KLHDC4: variants seen among roughly 807,000 people sequenced by gnomAD.
KLHDC4 encodes the protein kelch domain-containing protein 4.
Under a neutral mutation model 62.4 loss-of-function variants are expected in KLHDC4, and 90 were observed. That is an observed-to-expected ratio of 1.44 (90% CI 1.22 to 1.72). KLHDC4 has a LOEUF of 1.72. KLHDC4 is among the 40% of genes most tolerant of loss of function. The pLI, the probability that KLHDC4 is intolerant of heterozygous loss-of-function variation, is 0.00. For missense variants in KLHDC4, 1,025 were observed against 699.7 expected (o/e 1.47, Z -5.25); for synonymous variants, 386 against 284.4 (o/e 1.36, Z -3.59).
intron 6 of KLHDC4, 48 bp from the exon 7 acceptor site, chr16:87,726,972 C>T: frequency 6.3e-7 from 1 of 1,589,952 alleles, no homozygotes. Flanking sequence ...TTGGGAAAAG[C>T]CCTGACATTA....
chr16:87,764,188 G>T (rs1195292968), intron 1 of KLHDC4, among the ~76,000 whole-genome samples: 2 of 152,234 alleles, frequency 1.3e-5, no homozygotes, highest in Non-Finnish European at 2.9e-5. Flanking sequence ...ATGATCCTCT[G>T]TGGGTCTAGC....
At position 87,765,954 on chromosome 16, in the gene KLHDC4, A is replaced by C. The variant is rs1304121192; in HGVS notation, c.-64T>G. On this transcript the variant is annotated 5_prime_UTR_variant, in exon 1 of 12. Coordinates refer to ENST00000270583, the MANE Select transcript of KLHDC4 (RefSeq NM_017566.4). ...AAAACGGCCCGCGCTCTCCGCTCGGAAACAGGTGCTCGTGGGGCGGAGCTC... is the reference window on the plus strand; with the variant it reads ...AAAACGGCCCGCGCTCTCCGCTCGGCAACAGGTGCTCGTGGGGCGGAGCTC... 3 of 1,475,898 alleles carry C rather than the reference A, an allele frequency of 2.0e-6. No homozygotes were observed. The East Asian group carries it at 7.4e-5, about 36-fold the overall frequency. 91.4% of individuals were successfully genotyped at this position (1,475,898 alleles called of 1,614,324 possible).
Position 87,701,763 on chromosome 16 carries a change from G to A in KLHDC4, c.752C>T (p.Thr251Met), listed in dbSNP as rs187769887. 2.2e-3 allele frequency: 982 copies of A among 456,734 alleles called. 3 individuals are homozygous for A. The highest frequency in any genetic ancestry group is 3.5e-3 in the Non-Finnish European group (797 of 226,976). The allele number at this position is 456,734 out of a possible 1,614,324, so 28.3% of individuals were successfully genotyped here. A position where few individuals can be genotyped will look rare whatever the true frequency, so the allele number is the denominator to read the frequency against. Residue 251 changes from threonine to methionine, a missense_variant, in exon 1 of 1, where the codon ACG becomes ATG. Physicochemically the swap from Thr to Met is moderately conservative, Grantham distance 81 (BLOSUM62 -1). Transcript: ENST00000446344. ...ATGCCGCCCGCCCGTCCTCCCAAGC[G>A]TGCACACCCGTCCGCCATCCTTCTC... is the stretch of plus-strand genomic sequence containing the variant.
chr16:87,760,381 G>C (rs1462367645), intron 2 of KLHDC4, among the ~76,000 whole-genome samples: 1 of 151,630 alleles, frequency 6.6e-6, no homozygotes. Flanking sequence ...GCTGAGGCGG[G>C]CGGATCACGA....
intron 6 of KLHDC4, chr16:87,729,363 T>G (rs1365704668): frequency 6.6e-6 from 1 of 152,176 alleles, no homozygotes; most frequent in Admixed American, 6.5e-5. Context: ...CCATGCTGGT[T>G]CCTGAGGGAC....
At chr16:87,755,784 C>CA (rs1369785894) in intron 3 of KLHDC4, 2 of 166,032 alleles carry the variant, frequency 1.2e-5, no homozygotes, top group Non-Finnish European at 2.6e-5. Flanking sequence ...AGACTGCTCT[C>CA]AAACTCCTGA....
intron 4 of KLHDC4, among the ~76,000 whole-genome samples, chr16:87,754,195 T>C (rs1432999390): frequency 6.6e-6 from 1 of 150,868 alleles, no homozygotes; most frequent in Non-Finnish European, 1.5e-5. Context: ...CCTAATACAA[T>C]CCCAGTCAGG....
chr16:87,717,195 C>A (rs1210488195), intron 7 of KLHDC4, among the ~76,000 whole-genome samples: 2 of 152,320 alleles, frequency 1.3e-5, no homozygotes, highest in Middle Eastern at 3.4e-3. Context: ...CATGCCACTG[C>A]ACTCCAGCCT....
chr16:87,757,797 C>T (rs2045220614), intron 2 of KLHDC4, among the ~76,000 whole-genome samples: 1 of 152,076 alleles, frequency 6.6e-6, no homozygotes, highest in Admixed American at 6.6e-5. Context: ...GAGGCTGAGG[C>T]AGGAGGATCA....
At chr16:87,722,115 A>G (rs1181508137) in intron 7 of KLHDC4, among the ~76,000 whole-genome samples, 1 of 152,258 alleles carries the variant, frequency 6.6e-6, no homozygotes, top group East Asian at 1.9e-4. Flanking sequence ...TGAGTCTTTG[A>G]CACGTGAATG....
intron 4 of KLHDC4, among the ~76,000 whole-genome samples, chr16:87,754,883 T>C (rs568883034): frequency 3.3e-5 from 5 of 152,188 alleles, no homozygotes; most frequent in Non-Finnish European, 7.4e-5. Context: ...GTCTTCACCA[T>C]CTAGTCCAGA....
At chr16:87,755,077 G>T in intron 4 of KLHDC4, 117 bp downstream of exon 4, 2 of 647,368 alleles carry the variant, frequency 3.1e-6, no homozygotes, top group Admixed American at 5.5e-5. Context: ...AGAACCAGGC[G>T]ATCTACAGGG....
At chr16:87,751,290 A>G (rs2043886494) in intron 4 of KLHDC4, among the ~76,000 whole-genome samples, 2 of 152,130 alleles carry the variant, frequency 1.3e-5, no homozygotes, top group African/African-American at 2.4e-5. Context: ...CCTGACCAAC[A>G]TGGTGAAACC....
rs116166948 is a variant in KLHDC4, at chr16:87,709,842, G to A, written c.1045-175C>T. On this transcript the variant is annotated intron_variant, in intron 9 of 11. Transcript: ENST00000270583. ...TGGGTGCAGGCACTGGGCTGCAGGA[G>A]CACGCTCCTGTCTCCCACTAGCCTC... The A allele has an allele frequency of 1.6e-3, 1,141 of 707,928 alleles. 12 individuals carry two copies. The African/African-American group carries it at 0.017, about 11-fold the overall frequency. The allele number at this position is 707,928 out of a possible 1,614,324, so 43.9% of individuals were successfully genotyped here.
chr16:87,715,259 T>G (rs62055567), intron 7 of KLHDC4, among the ~76,000 whole-genome samples: 11,297 of 152,214 alleles, frequency 0.074, 566 homozygotes, highest in Non-Finnish European at 0.1. Context: ...GCACTTTAAT[T>G]CTCTATTTTT....
chr16:87,732,105 T>TC (rs1161223924), intron 5 of KLHDC4, among the ~76,000 whole-genome samples: 1 of 150,612 alleles, frequency 6.6e-6, no homozygotes, highest in African/African-American at 2.4e-5. Flanking sequence ...TTCTTTTTTT[T>TC]TTTTTTTTTT....
intron 2 of KLHDC4, among the ~76,000 whole-genome samples, chr16:87,757,962 T>G (rs1057379872): frequency 6.6e-6 from 1 of 152,162 alleles, no homozygotes; most frequent in Non-Finnish European, 1.5e-5. Flanking sequence ...ACAGTGACTA[T>G]CTGGCGAATC....
At chr16:87,743,892 G>A (rs559667366) in intron 5 of KLHDC4, among the ~76,000 whole-genome samples, 115 of 152,274 alleles carry the variant, frequency 7.6e-4, no homozygotes, top group African/African-American at 2.4e-3. Context: ...CAATGCTCCC[G>A]ATGGGGAGGA....
chr16:87,713,451 G>A (rs2142955831), intron 8 of KLHDC4, among the ~76,000 whole-genome samples: 1 of 152,214 alleles, frequency 6.6e-6, no homozygotes, highest in South Asian at 2.1e-4. Flanking sequence ...TCCCACCTCA[G>A]CCTCCCAAAG....
Sources: allele counts gnomAD v4.1 joint callset (sites outside exome capture counted in the v4.1 genomes callset), GRCh38; gene constraint gnomAD v4.1.1; transcripts MANE v1.5; gene names NCBI Gene and HGNC (gene_info 2026-07-23, HGNC 2026-07-21).